MED12L: variants seen among roughly 807,000 people sequenced by gnomAD.
MED12L encodes the protein mediator complex subunit 12L.
In MED12L, 60 loss-of-function variants were observed where a neutral mutation model predicts 281.3. That is an observed-to-expected ratio of 0.21 (90% CI 0.17 to 0.26). The LOEUF is 0.26. MED12L is among the 10% of genes least tolerant of loss of function. MED12L has a pLI of 1.00. For synonymous variants in MED12L, 974 were observed against 987.2 expected, an observed-to-expected ratio of 0.99 and a Z score of 0.25; for missense variants, 2,146 against 2,680.9, an observed-to-expected ratio of 0.80 and a Z score of 4.41.
At chr3:151,119,375 G>T (rs1008279848) in intron 3 of MED12L, among the ~76,000 whole-genome samples, 3 of 152,138 alleles carry the variant, frequency 2.0e-5, no homozygotes, top group African/African-American at 7.2e-5. Flanking sequence ...CCAAGATAAG[G>T]TGTCAGCAGG....
intron 16 of MED12L, among the ~76,000 whole-genome samples, chr3:151,346,388 G>T (rs1752541826): frequency 6.6e-6 from 1 of 152,138 alleles, no homozygotes; most frequent in African/African-American, 2.4e-5. Context: ...TCAAGCTGTT[G>T]TTCTTCATGC....
intron 41 of MED12L, 86 bp from the exon 42 acceptor site, chr3:151,413,053 G>T: frequency 2.1e-6 from 3 of 1,440,734 alleles, no homozygotes; most frequent in Non-Finnish European, 2.8e-6. Flanking sequence ...TTGTTTCTTG[G>T]TTGGTGTATG....
intron 5 of MED12L, among the ~76,000 whole-genome samples, chr3:151,145,281 G>C (rs537510064): frequency 8.5e-5 from 13 of 152,174 alleles, no homozygotes; most frequent in African/African-American, 3.1e-4. Context: ...AGTGCACAGC[G>C]AGTGCACTAC....
At position 151,368,600 on chromosome 3, in the gene MED12L, ATTTTATTTTATTT is replaced by A. The variant is rs1268599827; in HGVS notation, c.3550+351_3550+363del. ...GGGCAATGGTGATTTATTTTATTTT[ATTTTATTTTATTT>A]TATTTTATTTTATTTTATTTCATTT... On this transcript the variant is annotated intron_variant, in intron 25 of 44. Transcript: ENST00000687756. 8.6e-3 allele frequency among the ~76,000 whole-genome samples: 528 copies of A among 61,714 alleles called. 1 individual carries two copies. The highest frequency in any genetic ancestry group is 0.013 in the Non-Finnish European group (423 of 31,766). 40.5% of individuals were successfully genotyped at this position (61,714 alleles called of 152,430 possible). A position where few individuals can be genotyped will look rare whatever the true frequency, so the allele number is the denominator to read the frequency against.
rs982530384 is a variant in MED12L, at chr3:151,214,452, G to C, written c.2250+20786G>C. On this transcript the variant is annotated intron_variant, in intron 16 of 44. Transcript: ENST00000687756. The stretch of plus-strand genomic sequence containing the variant: ...TAGTCAAACCTACCAAATTTTTGAA[G>C]CCACCTTTTTACTCTGTGTAAGTTA... 81 of 673,032 alleles carry C rather than the reference G, an allele frequency of 1.2e-4. No homozygotes were observed. In the African/African-American group the frequency reaches 1.3e-3, roughly 11 times the overall value. The allele number at this position is 673,032 out of a possible 1,614,324, so 41.7% of individuals were successfully genotyped here.
intron 5 of MED12L, among the ~76,000 whole-genome samples, chr3:151,147,523 T>C (rs746194253): frequency 1.3e-5 from 2 of 152,202 alleles, no homozygotes; most frequent in African/African-American, 2.4e-5. Flanking sequence ...CACTCCCCAT[T>C]TGCCTTCAGT....
chr3:151,314,951 G>T (rs959482650), intron 16 of MED12L, among the ~76,000 whole-genome samples: 4 of 152,124 alleles, frequency 2.6e-5, no homozygotes, highest in African/African-American at 9.7e-5. Flanking sequence ...TGAGTCCTGG[G>T]CTTTCTACTT....
intron 16 of MED12L, chr3:151,337,035 A>T (rs972317640): frequency 1.3e-5 from 2 of 152,200 alleles, no homozygotes; most frequent in Non-Finnish European, 2.9e-5. Context: ...CTAATTAATA[A>T]AGGTAAGTGT....
At chr3:151,361,912 T>C (rs1418022504) in intron 21 of MED12L, among the ~76,000 whole-genome samples, 1 of 152,118 alleles carries the variant, frequency 6.6e-6, no homozygotes, top group African/African-American at 2.4e-5. Context: ...AAGTAAATGC[T>C]TATTTAATGT....
chr3:151,209,498 A>G (rs977644778), intron 16 of MED12L, among the ~76,000 whole-genome samples: 2 of 152,328 alleles, frequency 1.3e-5, no homozygotes, highest in Admixed American at 6.5e-5. Flanking sequence ...TCCACATGCC[A>G]TTAGAGTCTT....
intron 38 of MED12L, among the ~76,000 whole-genome samples, chr3:151,392,991 T>C (rs1577546149): frequency 6.6e-6 from 1 of 152,248 alleles, no homozygotes; most frequent in Non-Finnish European, 1.5e-5. Flanking sequence ...ATGTTCTGAT[T>C]GTTGCTTCAA....
At chr3:151,158,513 A>G (rs937766749) in intron 6 of MED12L, among the ~76,000 whole-genome samples, 176 bp from the exon 7 acceptor site, 6 of 152,156 alleles carry the variant, frequency 3.9e-5, no homozygotes, top group Admixed American at 3.9e-4. Context: ...AACAAAAAAA[A>G]CTATACAAAA....
chr3:151,399,175 C>G (rs892372330), intron 39 of MED12L, among the ~76,000 whole-genome samples: 1 of 152,176 alleles, frequency 6.6e-6, no homozygotes, highest in African/African-American at 2.4e-5. Flanking sequence ...CTATACTGTA[C>G]TTACTTTATA....
At chr3:151,385,381 G>A (rs559964326) in intron 36 of MED12L, among the ~76,000 whole-genome samples, 190 bp downstream of exon 36, 145 of 152,036 alleles carry the variant, frequency 9.5e-4, no homozygotes, top group Non-Finnish European at 1.2e-3. Flanking sequence ...GAAGATCTAC[G>A]TTTTATATGT....
intron 39 of MED12L, among the ~76,000 whole-genome samples, chr3:151,397,359 A>C (rs1577557312): frequency 6.6e-6 from 1 of 152,296 alleles, no homozygotes; most frequent in East Asian, 1.9e-4. Flanking sequence ...AGTATTCTTA[A>C]AGGAAGAGAA....
chr3:151,387,805 C>T lies in MED12L; in HGVS notation c.5089-5C>T, dbSNP rs767933283. On this transcript the variant is annotated splice_region_variant and splice_polypyrimidine_tract_variant and intron_variant, in intron 36 of 44. Transcript: ENST00000687756. ...GTGCTATCTTAGAGCGCTATTTTCC[C>T]ACAGGGTCTCCAGGTCTCTACGAAG... 6.0e-5 allele frequency: 96 copies of T among 1,602,812 alleles called. No homozygotes were observed. Among genetic ancestry groups the T allele is most frequent in the African/African-American group, 9.4e-5 (7 of 74,480 alleles).
rs748303428 is a variant in MED12L, at chr3:151,432,774, G to A, written c.6513G>A (p.Val2171=). 9.9e-6 allele frequency: 16 copies of A among 1,613,224 alleles called. No homozygotes were observed. The East Asian group carries it at 3.6e-4, about 36-fold the overall frequency. Residue 2171 remains valine (V), a synonymous_variant, in exon 45 of 45, where the codon GTG becomes GTA. Transcript: ENST00000687756. ...TAGGCAACCAGCCACAGCAAGGAGT[G>A]ACTCCGTATGGGCATCCTTCACACT... is the stretch of plus-strand genomic sequence containing the variant. ...QLSSNQPQQG[V]TPYGHPSHF
At position 151,108,785 on chromosome 3, in the gene MED12L, A is replaced by C. The variant is rs184351006; in HGVS notation, c.100-7553A>C. Among the ~76,000 whole-genome samples, 213 of 152,174 alleles carry C rather than the reference A, an allele frequency of 1.4e-3. 1 individual carries two copies. Among genetic ancestry groups the C allele is most frequent in the African/African-American group, 4.9e-3 (204 of 41,524 alleles). ...AGAGGGTGACGCTCAGGAGGTTGTGAGTGTCTGTAGTATGTATTTGTGTGC... is the reference window on the plus strand; with the variant it reads ...AGAGGGTGACGCTCAGGAGGTTGTGCGTGTCTGTAGTATGTATTTGTGTGC... On this transcript the variant is annotated intron_variant, in intron 2 of 44. Transcript: ENST00000687756.
intron 25 of MED12L, 94 bp from the exon 26 acceptor site, chr3:151,369,342 A>T: frequency 1.3e-6 from 1 of 773,660 alleles, no homozygotes; most frequent in South Asian, 2.2e-5. Context: ...TTAAGCACCC[A>T]CAGTCTAACA....
Sources: allele counts gnomAD v4.1 joint callset (sites outside exome capture counted in the v4.1 genomes callset), GRCh38; gene constraint gnomAD v4.1.1; transcripts MANE v1.5; gene names NCBI Gene and HGNC (gene_info 2026-07-23, HGNC 2026-07-21).